Variants in MRPL46 observed in about 807,000 individuals in gnomAD.
MRPL46 encodes mitochondrial ribosomal protein L46.
In MRPL46, 26 loss-of-function variants were observed where a neutral mutation model predicts 31.0. The ratio of observed to expected loss-of-function variants is 0.84; its 90% confidence interval spans 0.61 to 1.16. The LOEUF (loss-of-function observed/expected upper bound fraction) is 1.16. Ranked by LOEUF, MRPL46 falls within the 50% of genes most tolerant of loss-of-function variation. The probability of loss-of-function intolerance (pLI) is 0.00; values close to 1 mark genes in which losing one functional copy is unlikely to be tolerated. For synonymous variants in MRPL46, 159 were observed against 141.3 expected, an observed-to-expected ratio of 1.13 and a Z score of -0.89; for missense variants, 395 against 340.0, an observed-to-expected ratio of 1.16 and a Z score of -1.27.
rs1322427803 is a variant in MRPL46 at position 88,465,044 on chromosome 15, G to A, written c.416-168C>T. On this transcript the variant is annotated intron_variant, in intron 2 of 3. Coordinates refer to ENST00000312475, the MANE Select transcript of MRPL46 (RefSeq NM_022163.4). ...TAACTCTGACCTCTTCCAGGGAAGAGTCTCACAATCTTGAGGAAACTAAAA... is the reference window on the plus strand; with the variant it reads ...TAACTCTGACCTCTTCCAGGGAAGAATCTCACAATCTTGAGGAAACTAAAA... 4.8e-6 allele frequency: 3 copies of A among 619,186 alleles called. No homozygotes were observed. The African/African-American group carries it at 5.7e-5, about 12-fold the overall frequency. 38.4% of individuals were successfully genotyped at this position (619,186 alleles called of 1,614,324 possible).
chr15:88,465,018 C>CT (rs1282390888), intron 2 of MRPL46, 142 bp from the exon 3 acceptor site: 9 of 829,290 alleles, frequency 1.1e-5, no homozygotes, highest in Admixed American at 3.3e-5. Flanking sequence ...ACCCATCTCT[C>CT]TAACTCTGAC....
chr15:88,460,141 G>A (rs1219912548), intron 3 of MRPL46: 4 of 414,310 alleles, frequency 9.7e-6, no homozygotes, highest in Admixed American at 7.9e-5. Flanking sequence ...TCACACCTGG[G>A]AGTCAGAGCA....
In MRPL46 at chr15:88,464,690, G is replaced by A. The variant is rs764221555; in HGVS notation, c.589+13C>T. On this transcript the variant is annotated intron_variant, in intron 3 of 3. Coordinates refer to ENST00000312475, the MANE Select transcript of MRPL46 (RefSeq NM_022163.4). ...TGAATTTTGTGGAATTTAGAGGAAG[G>A]CAGAAAACCCACCTGAGAGTGTGGC... 2 of 1,611,804 alleles carry A rather than the reference G, an allele frequency of 1.2e-6. No homozygotes were observed. The highest frequency in any genetic ancestry group is 1.7e-6 in the Non-Finnish European group (2 of 1,179,016).
At chr15:88,466,596 A>G (rs1012154251) in intron 1 of MRPL46, among the ~76,000 whole-genome samples, 5 of 152,256 alleles carry the variant, frequency 3.3e-5, no homozygotes, top group Non-Finnish European at 7.3e-5. Flanking sequence ...AAAAGCACAG[A>G]AGAGAAGTTT....
intron 1 of MRPL46, 61 bp downstream of exon 1, chr15:88,467,089 A>T: frequency 1.3e-5 from 21 of 1,568,506 alleles, no homozygotes; most frequent in Non-Finnish European, 1.8e-5. Context: ...AGAGAGGTGA[A>T]ATTACTCGCT....
chr15:88,465,234 G>C (rs143025114), intron 2 of MRPL46: 1 of 414,376 alleles, frequency 2.4e-6, no homozygotes, highest in African/African-American at 2.0e-5. Flanking sequence ...CTTCATCTGT[G>C]AAACAAGGAA....
intron 3 of MRPL46, chr15:88,462,584 C>T (rs2142196437): frequency 6.6e-6 from 1 of 152,298 alleles, no homozygotes; most frequent in South Asian, 2.1e-4. Flanking sequence ...CAAAGAGGCA[C>T]TCTCAGACAC....
chr15:88,462,741 G>C (rs2055488793), intron 3 of MRPL46: 1 of 152,172 alleles, frequency 6.6e-6, no homozygotes, highest in African/African-American at 2.4e-5. Context: ...TGGAGCCAGA[G>C]GGGAGGAAAG....
intron 3 of MRPL46, chr15:88,464,130 C>T (rs1488886029): frequency 6.6e-6 from 1 of 152,264 alleles, no homozygotes; most frequent in African/African-American, 2.4e-5. Flanking sequence ...CTACTGGCAT[C>T]TAGTAGGTAC....
In MRPL46 at chr15:88,463,741, A is replaced by G. The variant is rs1043588638; in HGVS notation, c.589+962T>C. ...CCAAAGCAGAGACACATGAAAGACCATACTATTCAAGGAATGCAAAAGGTT... is the reference window on the plus strand; with the variant it reads ...CCAAAGCAGAGACACATGAAAGACCGTACTATTCAAGGAATGCAAAAGGTT... On this transcript the variant is annotated intron_variant, in intron 3 of 3. Transcript: ENST00000312475. This position sits in a 1 kb window ranked among gnomAD's most constrained non-coding sequence, Gnocchi z 5.4. The G allele has an allele frequency of 6.6e-6, 1 of 152,260 alleles. No individual in the cohort carries two copies. Among genetic ancestry groups the G allele is most frequent in the African/African-American group, 2.4e-5 (1 of 41,474 alleles). 9.4% of individuals were successfully genotyped at this position (152,260 alleles called of 1,614,324 possible).
chr15:88,464,025 C>A (rs1360727713), intron 3 of MRPL46: 1 of 152,182 alleles, frequency 6.6e-6, no homozygotes, highest in Admixed American at 6.6e-5. Context: ...TAGTACTTCT[C>A]AACCACTGTA....
chr15:88,466,650 G>A (rs1598285438), intron 1 of MRPL46, among the ~76,000 whole-genome samples: 3 of 152,190 alleles, frequency 2.0e-5, no homozygotes, highest in East Asian at 3.8e-4. Context: ...GGATTCTGAG[G>A]AAACATATCA....
chr15:88,459,887 C>T lies in MRPL46; in HGVS notation c.590-24G>A, dbSNP rs771535053. ...TTCTGAAGAGGGAGGAAAGAAAAAT[C>T]ACAATTGGAAGGTAAGGATACAGCC... is the stretch of plus-strand genomic sequence containing the variant. On this transcript the variant is annotated intron_variant, in intron 3 of 3. Transcript: ENST00000312475. 6.2e-6 allele frequency: 10 copies of T among 1,613,158 alleles called. No individual in the cohort carries two copies. In the South Asian group the frequency reaches 8.8e-5, roughly 14 times the overall value.
intron 3 of MRPL46, chr15:88,464,005 T>C (rs976274495): frequency 1.3e-5 from 2 of 152,188 alleles, no homozygotes; most frequent in African/African-American, 4.8e-5. Flanking sequence ...TCTAATTCAA[T>C]AGCTCAGTAT....
chr15:88,464,806 TCTGA>T lies in MRPL46; in HGVS notation c.482_485del (p.Val161GlufsTer44). The T allele has an allele frequency of 1.2e-6, 2 of 1,614,192 alleles. No homozygotes were observed. Among genetic ancestry groups the T allele is most frequent in the Non-Finnish European group, 1.7e-6 (2 of 1,180,026 alleles). On this transcript the variant is annotated frameshift_variant, in exon 3 of 4. Coordinates refer to ENST00000312475, the MANE Select transcript of MRPL46 (RefSeq NM_022163.4). LOFTEE classifies it high-confidence loss of function. ...AAACATCCTGGTCTCCAAACTTCTC[TCTGA>T]CTAACAGGACAAGGTTCCTGTCTAG... is the stretch of plus-strand genomic sequence containing the variant.
chr15:88,464,900 G>C (rs762725563), intron 2 of MRPL46, 24 bp from the exon 3 acceptor site: 3 of 1,600,350 alleles, frequency 1.9e-6, no homozygotes, highest in Non-Finnish European at 2.6e-6. Context: ...GGTCAGAGGA[G>C]GTAAGAAGAC....
At position 88,463,380 on chromosome 15, in the gene MRPL46, CAT is replaced by C. The variant is rs1421796805; in HGVS notation, c.589+1321_589+1322del. ...CAGAGAGAGGAACAGATACTGCCCA[CAT>C]GTTTAAGGAAGTCAAAATTCTGACT... On this transcript the variant is annotated intron_variant, in intron 3 of 3. Coordinates refer to ENST00000312475, the MANE Select transcript of MRPL46 (RefSeq NM_022163.4). The surrounding 1 kb of genome is among the most constrained non-coding windows in gnomAD (Gnocchi z 5.4). The C allele has an allele frequency of 6.6e-6, 1 of 152,224 alleles. No individual in the cohort carries two copies. Among genetic ancestry groups the C allele is most frequent in the African/African-American group, 2.4e-5 (1 of 41,458 alleles). 9.4% of individuals were successfully genotyped at this position (152,224 alleles called of 1,614,324 possible).
intron 3 of MRPL46, chr15:88,460,920 T>C (rs1306262008): frequency 2.6e-5 from 4 of 152,204 alleles, no homozygotes; most frequent in Non-Finnish European, 5.9e-5. Flanking sequence ...TCTGTATTTT[T>C]AGTACAGACG....
Position 88,464,757 on chromosome 15 carries a change from G to T in MRPL46, c.535C>A (p.Gln179Lys). The T allele has an allele frequency of 6.2e-7, 1 of 1,614,108 alleles. No individual in the cohort carries two copies. The highest frequency in any genetic ancestry group is 1.3e-5 in the African/African-American group (1 of 75,002). Reference sequence around the variant, plus strand: ...GTTCCTCGAAGGGTCTCCCCAGGCTGCCACTCTGCCTGGGGCAGTATCCAA... The same window carrying T: ...GTTCCTCGAAGGGTCTCCCCAGGCTTCCACTCTGCCTGGGGCAGTATCCAA... Reference protein sequence around the residue: ...DVWILPQAEWQPGETLRGTAE... With the variant: ...DVWILPQAEWKPGETLRGTAE... The change falls in exon 3 of 4, where the codon CAG (glutamine) becomes AAG (lysine). Residue 179 changes from glutamine to lysine, a missense_variant. Physicochemically the swap from Gln to Lys is moderately conservative, Grantham distance 53. Transcript: ENST00000312475.
Sources: allele counts gnomAD v4.1 joint callset (sites outside exome capture counted in the v4.1 genomes callset), GRCh38; gene constraint gnomAD v4.1.1; non-coding constraint Gnocchi (gnomAD v3.1); transcripts MANE v1.5; gene names NCBI Gene and HGNC (gene_info 2026-07-23, HGNC 2026-07-21).